Variants in TET3 observed in about 807,000 individuals in gnomAD.
The protein encoded by TET3 is methylcytosine dioxygenase TET3.
TET3 carries 19 observed loss-of-function variants against 141.4 expected under a neutral mutation model. The observed-to-expected ratio is 0.13, with a 90% CI of 0.09 to 0.20. The LOEUF is 0.20. TET3 is among the 10% of genes least tolerant of loss of function. The pLI is 1.00. For synonymous variants in TET3, 1,043 were observed against 980.9 expected, an observed-to-expected ratio of 1.06 and a Z score of -1.18; for missense variants, 1,874 against 2,356.9, an observed-to-expected ratio of 0.80 and a Z score of 4.24.
intron 5 of TET3, among the ~76,000 whole-genome samples, chr2:74,078,224 TTC>T (rs763366783): frequency 1.8e-4 from 28 of 152,218 alleles, no homozygotes; most frequent in Admixed American, 5.9e-4. Flanking sequence ...TTATAAACTG[TTC>T]TCTTTTTCAA....
At chr2:74,065,991 T>G (rs1688878733) in intron 4 of TET3, among the ~76,000 whole-genome samples, 1 of 152,194 alleles carries the variant, frequency 6.6e-6, no homozygotes, top group South Asian at 2.1e-4. Flanking sequence ...TCTCCTGACC[T>G]CGTGATCCGC....
intron 6 of TET3, among the ~76,000 whole-genome samples, chr2:74,084,913 C>T (rs1690037548): frequency 6.6e-6 from 1 of 151,758 alleles, no homozygotes; most frequent in Non-Finnish European, 1.5e-5. Flanking sequence ...CCAGCCTGTG[C>T]AACAGAGCAA....
chr2:74,007,080 T>C (rs1685190372), intron 3 of TET3, among the ~76,000 whole-genome samples: 1 of 152,210 alleles, frequency 6.6e-6, no homozygotes, highest in African/African-American at 2.4e-5. Flanking sequence ...ATCATTATTA[T>C]TTGATTCTCA....
Position 73,997,030 on chromosome 2 carries a change from A to G in TET3, c.304-6080A>G, listed in dbSNP as rs528322122. Among the ~76,000 whole-genome samples the G allele has an allele frequency of 3.3e-5, 5 of 152,300 alleles. No homozygotes were observed. In the East Asian group the frequency reaches 5.8e-4, roughly 18 times the overall value. On this transcript the variant is annotated intron_variant, in intron 2 of 11. Transcript: ENST00000409262. The stretch of plus-strand genomic sequence containing the variant: ...TCTAGCTCTGTTGTGTCCTACCTCT[A>G]CCACACCTAACGAGGGTGTTAGTGG...
intron 6 of TET3, among the ~76,000 whole-genome samples, chr2:74,084,387 G>A (rs1392720475): frequency 1.3e-5 from 2 of 152,142 alleles, no homozygotes; most frequent in Admixed American, 1.3e-4. Context: ...CAGCACTTAG[G>A]GAGACCAAGC....
intron 4 of TET3, among the ~76,000 whole-genome samples, chr2:74,056,170 G>C (rs181905680): frequency 6.6e-6 from 1 of 152,210 alleles, no homozygotes; most frequent in African/African-American, 2.4e-5. Context: ...TGCCTCAGCT[G>C]TGCTCCTGTG....
At chr2:74,052,492 G>A (rs899018335) in intron 4 of TET3, among the ~76,000 whole-genome samples, 3 of 146,350 alleles carry the variant, frequency 2.0e-5, no homozygotes, top group Admixed American at 6.9e-5. Context: ...ACTCCATGAA[G>A]CCATCTAAGA....
the TET3 span, among the ~76,000 whole-genome samples, chr2:74,129,476 C>T: frequency 4.0e-5 from 6 of 149,806 alleles, no homozygotes; most frequent in South Asian, 2.1e-4. Flanking sequence ...CTACAAAAAA[C>T]GCAAAAATTA....
Position 74,093,956 on chromosome 2 carries a change from CG to C in TET3, c.3267+292del, listed in dbSNP as rs1206252225. Among the ~76,000 whole-genome samples, 2 of 152,180 alleles carry C rather than the reference CG, an allele frequency of 1.3e-5. No homozygotes were observed. Among genetic ancestry groups the C allele is most frequent in the Non-Finnish European group, 1.5e-5 (1 of 68,030 alleles). On this transcript the variant is annotated intron_variant, in intron 10 of 11. Coordinates refer to ENST00000409262, the MANE Select transcript of TET3 (RefSeq NM_001287491.2). The surrounding 1 kb of genome is among the most constrained non-coding windows in gnomAD (Gnocchi z 4.2). ...GCCCAGTTATCTAAAGCGTGGGCCC[CG>C]GTCTCTGTGGACACTTGGATTTAAA... is the stretch of plus-strand genomic sequence containing the variant.
chr2:74,083,466 G>T (rs370533056), intron 6 of TET3, among the ~76,000 whole-genome samples: 2 of 152,322 alleles, frequency 1.3e-5, no homozygotes, highest in East Asian at 3.9e-4. Context: ...ACAGGGTTGG[G>T]GTTCTGCTGG....
chr2:74,116,689 TA>T, the TET3 span, among the ~76,000 whole-genome samples: 121,223 of 133,144 alleles, frequency 0.91, 55,465 homozygotes, highest in East Asian at 0.99. Context: ...CATCCCAAGT[TA>T]AAAAAAAAAA....
the TET3 span, among the ~76,000 whole-genome samples, chr2:74,129,899 G>A: frequency 5.9e-5 from 9 of 151,960 alleles, no homozygotes; most frequent in Non-Finnish European, 1.3e-4. Context: ...TTCGAGACCA[G>A]CCTGGCCAAC....
chr2:73,990,591 A>G (rs1265502745), intron 2 of TET3, among the ~76,000 whole-genome samples: 5 of 152,236 alleles, frequency 3.3e-5, no homozygotes, highest in African/African-American at 1.2e-4. Flanking sequence ...AAAAATGCAT[A>G]GAAAAATGTA....
chr2:74,050,073 C>T (rs748047346), intron 4 of TET3, among the ~76,000 whole-genome samples: 5 of 152,190 alleles, frequency 3.3e-5, no homozygotes, highest in Non-Finnish European at 5.9e-5. Flanking sequence ...GTTTCTCCTT[C>T]TACAACGTGG....
chr2:74,112,732 G>A (rs958448199), downstream of TET3, among the ~76,000 whole-genome samples: 2 of 152,234 alleles, frequency 1.3e-5, no homozygotes, highest in African/African-American at 4.8e-5. Context: ...GCTGGGTGCA[G>A]TGGCTCACGC....
At chr2:74,020,962 A>G (rs1686008467) in intron 3 of TET3, among the ~76,000 whole-genome samples, 1 of 152,008 alleles carries the variant, frequency 6.6e-6, no homozygotes, top group Admixed American at 6.6e-5. Context: ...CTCATCTCCC[A>G]TGCTCAGGGT....
At chr2:73,994,203 G>C (rs911581909) in intron 2 of TET3, among the ~76,000 whole-genome samples, 4 of 152,174 alleles carry the variant, frequency 2.6e-5, no homozygotes, top group African/African-American at 9.7e-5. Flanking sequence ...AAAAAAGAAT[G>C]TTGACAGTCT....
intron 3 of TET3, among the ~76,000 whole-genome samples, chr2:74,004,182 G>A (rs184843523): frequency 5.0e-4 from 76 of 152,228 alleles, no homozygotes; most frequent in African/African-American, 1.7e-3. Flanking sequence ...GAGAGGAAGC[G>A]CGTTCCTGCC....
At position 74,104,193 on chromosome 2, in the gene TET3, G is replaced by A. The variant is rs1019725499; in HGVS notation, c.*2017G>A. 1.3e-5 allele frequency: 2 copies of A among 152,126 alleles called. No individual in the cohort carries two copies. The highest frequency in any genetic ancestry group is 1.9e-4 in the East Asian group (1 of 5,198). The allele number at this position is 152,126 out of a possible 1,614,324, so 9.4% of individuals were successfully genotyped here. A position where few individuals can be genotyped will look rare whatever the true frequency, so the allele number is the denominator to read the frequency against. The stretch of plus-strand genomic sequence containing the variant: ...GTGGGAGAAATTGTAAATAGTAGCC[G>A]AATATTTAATGTGCTTTGTCTATCC... On this transcript the variant is annotated 3_prime_UTR_variant, in exon 12 of 12. Transcript: ENST00000409262.
Sources: allele counts gnomAD v4.1 joint callset (sites outside exome capture counted in the v4.1 genomes callset), GRCh38; gene constraint gnomAD v4.1.1; non-coding constraint Gnocchi (gnomAD v3.1); transcripts MANE v1.5; gene names NCBI Gene and HGNC (gene_info 2026-07-23, HGNC 2026-07-21).